Variants in CLCN6 observed in about 807,000 individuals in gnomAD.
CLCN6 encodes the protein Cl-/H+ antiporter 6, also known as H(+)/Cl(-) exchange transporter 6.
A neutral mutation model predicts 109.8 loss-of-function variants in CLCN6; 70 were observed. That is an observed-to-expected ratio of 0.64 (90% CI 0.53 to 0.78). CLCN6 has a LOEUF of 0.78. Among genes scored for constraint, CLCN6 ranks in the 30% least tolerant of loss-of-function variants. CLCN6 has a pLI of 0.00. For missense variants in CLCN6, 984 were observed against 1,142.3 expected, an observed-to-expected ratio of 0.86 and a Z score of 2.00; for synonymous variants, 444 against 447.8, an observed-to-expected ratio of 0.99 and a Z score of 0.11.
chr1:11,806,587 C>T, intron 1 of CLCN6: 1 of 461,758 alleles, frequency 2.2e-6, no homozygotes, highest in Non-Finnish European at 3.8e-6. Flanking sequence ...GTAAATCCCA[C>T]CCATGTTTCC....
At chr1:11,813,501 C>T (rs940430920) in intron 2 of CLCN6, among the ~76,000 whole-genome samples, 2 of 152,026 alleles carry the variant, frequency 1.3e-5, no homozygotes, top group Non-Finnish European at 2.9e-5. Context: ...AGCGATTCTC[C>T]TGCCTCAGCC....
At chr1:11,809,896 A>G (rs1644576159) in intron 2 of CLCN6, among the ~76,000 whole-genome samples, 1 of 152,228 alleles carries the variant, frequency 6.6e-6, no homozygotes, top group Non-Finnish European at 1.5e-5. Context: ...AAAAGTCTGG[A>G]TTTTATTTAT....
At chr1:11,822,268 T>C (rs1447496144) in intron 5 of CLCN6, among the ~76,000 whole-genome samples, 1 of 152,178 alleles carries the variant, frequency 6.6e-6, no homozygotes, top group Non-Finnish European at 1.5e-5. Flanking sequence ...AATTTTTTCT[T>C]TTTTTTAAGA....
chr1:11,815,033 A>C (rs1302308914), intron 2 of CLCN6, among the ~76,000 whole-genome samples: 6 of 11,158 alleles, frequency 5.4e-4, no homozygotes, highest in Non-Finnish European at 1.2e-3. Context: ...ACTCCGTCTC[A>C]AAAAAAAAAA....
At chr1:11,829,601 C>T (rs937640589) in intron 13 of CLCN6, among the ~76,000 whole-genome samples, 4 of 140,274 alleles carry the variant, frequency 2.9e-5, no homozygotes, top group African/African-American at 1.1e-4. Flanking sequence ...TGGGAACAAC[C>T]CTGGCGTCAC....
At chr1:11,824,606 G>C in intron 8 of CLCN6, 53 bp downstream of exon 8, 1 of 1,472,198 alleles carries the variant, frequency 6.8e-7, no homozygotes, top group Non-Finnish European at 9.4e-7. Flanking sequence ...TGGGAGGTCT[G>C]GTTACACTGG....
Position 11,826,182 on chromosome 1 carries a change from C to G in CLCN6, c.675C>G (p.Ile225Met), listed in dbSNP as rs1183737662. The G allele has an allele frequency of 3.7e-6, 6 of 1,613,866 alleles. No individual in the cohort carries two copies. In the South Asian group the frequency reaches 6.6e-5, roughly 18 times the overall value. The change falls in exon 9 of 23, where the codon ATC becomes ATG. Residue 225 changes from isoleucine to methionine, a missense_variant. Ile to Met is a conservative substitution (Grantham distance 10, BLOSUM62 1). Coordinates refer to ENST00000346436, the MANE Select transcript of CLCN6 (RefSeq NM_001286.5). ...TTCAGAGCATCTCCTTACGGAAGAT[C>G]CAGTTTAACTTCCCCTATTTCCGAA... The part of the protein sequence containing the change: ...PQFQSISLRK[I>M]QFNFPYFRSD...
At position 11,835,995 on chromosome 1, in the gene CLCN6, A is replaced by G; in HGVS notation, c.1822A>G (p.Asn608Asp). 1 of 1,613,572 alleles carries G rather than the reference A, an allele frequency of 6.2e-7. No individual in the cohort carries two copies. Among genetic ancestry groups the G allele is most frequent in the Non-Finnish European group, 8.5e-7 (1 of 1,179,906 alleles). ...KLRASDIMEP[N>D]LTYVYPHTRI... ...GAGAGCCAGCGACATCATGGAGCCC[A>G]ACCTGACCTACGTCTACCCGCACAC... The change falls in exon 18 of 23, where the codon AAC (asparagine) becomes GAC (aspartate). Residue 608 changes from asparagine (N) to aspartate (D), a missense_variant. Asn to Asp is a conservative substitution (Grantham distance 23). Transcript: ENST00000346436.
chr1:11,828,005 G>A (rs983507938), intron 10 of CLCN6, 101 bp from the exon 11 acceptor site: 6 of 832,678 alleles, frequency 7.2e-6, no homozygotes, highest in Admixed American at 2.0e-5. Context: ...TGTAGATTCC[G>A]GAGGTCTCTG....
chr1:11,827,270 C>G, intron 10 of CLCN6, 49 bp downstream of exon 10: 1 of 1,574,372 alleles, frequency 6.4e-7, no homozygotes, highest in Admixed American at 1.8e-5. Context: ...CCGAATTACA[C>G]TGGGTGTCCC....
At position 11,833,587 on chromosome 1, in the gene CLCN6, CTCT is replaced by C; in HGVS notation, c.1327_1329del (p.Phe443del). 6.2e-7 allele frequency: 1 copy of C among 1,614,058 alleles called. No homozygotes were observed. The highest frequency in any genetic ancestry group is 1.3e-5 in the African/African-American group (1 of 75,048). ...TGATACCTACAATGACATGGCCACACTCTTCTTCAACCCGCAGGAGTCTGCCAT... is the reference window on the plus strand; with the variant it reads ...TGATACCTACAATGACATGGCCACACTCTTCAACCCGCAGGAGTCTGCCAT... On this transcript the variant is annotated inframe_deletion, in exon 14 of 23. Coordinates refer to ENST00000346436, the MANE Select transcript of CLCN6 (RefSeq NM_001286.5).
At chr1:11,820,247 C>T (rs530662881) in intron 5 of CLCN6, 2 of 624,722 alleles carry the variant, frequency 3.2e-6, no homozygotes, top group East Asian at 2.8e-5. Flanking sequence ...GGCTGTAATG[C>T]ACCATGACTG....
intron 2 of CLCN6, among the ~76,000 whole-genome samples, chr1:11,810,966 C>G (rs1644591236): frequency 6.6e-6 from 1 of 152,160 alleles, no homozygotes; most frequent in African/African-American, 2.4e-5. Flanking sequence ...TACCCCCACA[C>G]TTTAGGAGGC....
chr1:11,838,792 T>G (rs198409), intron 22 of CLCN6, 132 bp downstream of exon 22: 191,357 of 1,336,294 alleles, frequency 0.14, 16,427 homozygotes, highest in African/African-American at 0.37. Flanking sequence ...CAACACTAGC[T>G]TTGAACCCTG....
In CLCN6 at chr1:11,822,739, C is replaced by T. The variant is rs909779098; in HGVS notation, c.391C>T (p.Leu131Phe). 1.9e-6 allele frequency: 3 copies of T among 1,614,126 alleles called. No individual in the cohort carries two copies. Among genetic ancestry groups the T allele is most frequent in the African/African-American group, 1.3e-5 (1 of 75,048 alleles). Residue 131 changes from leucine (L) to phenylalanine (F), a missense_variant, in exon 6 of 23, where the codon CTT (leucine) becomes TTT (phenylalanine). Coordinates refer to ENST00000346436, the MANE Select transcript of CLCN6 (RefSeq NM_001286.5). ...GAAAGGCTGCCTCGCTCTGTCTCTC[C>T]TTGAACTCCTGGGTTTTAACCTCAC... is the stretch of plus-strand genomic sequence containing the variant. ...SQKGCLALSL[L>F]ELLGFNLTFV...
Position 11,807,183 on chromosome 1 carries a change from A to T in CLCN6, c.140A>T (p.Asp47Val). The change falls in exon 2 of 23, where the codon GAC becomes GTC. Residue 47 changes from aspartate to valine, a missense_variant. Coordinates refer to ENST00000346436, the MANE Select transcript of CLCN6 (RefSeq NM_001286.5). ...GAGGATGAGATTCTTCCAAGGAAAG[A>T]CTATGAGGTGAGCTCCTTTGATACT... ...EEEDEILPRK[D>V]YESLDYDRCI... 3.1e-6 allele frequency: 5 copies of T among 1,614,126 alleles called. No homozygotes were observed. Among genetic ancestry groups the T allele is most frequent in the Non-Finnish European group, 4.2e-6 (5 of 1,179,986 alleles).
chr1:11,819,523 C>G lies in CLCN6; in HGVS notation c.315C>G (p.Phe105Leu). The change falls in exon 5 of 23, where the codon TTC becomes TTG. Residue 105 changes from phenylalanine to leucine, a missense_variant. Transcript: ENST00000346436. ...GLFVDFFVRL[F>L]TQLKFGVVQT... is the part of the protein sequence containing the mutation. ...TTGTGGACTTTTTTGTGCGACTCTT[C>G]ACCCAACTCAAGTTCGGAGTGGTAC... The G allele has an allele frequency of 1.2e-6, 2 of 1,614,172 alleles. No homozygotes were observed. Among genetic ancestry groups the G allele is most frequent in the Non-Finnish European group, 1.7e-6 (2 of 1,180,022 alleles).
chr1:11,809,913 A>C (rs1441491981), intron 2 of CLCN6, among the ~76,000 whole-genome samples: 2 of 152,240 alleles, frequency 1.3e-5, no homozygotes, highest in African/African-American at 4.8e-5. Context: ...TTATTCAATA[A>C]ATAAATCAAC....
chr1:11,831,651 G>A (rs1286853929), intron 13 of CLCN6, among the ~76,000 whole-genome samples: 2 of 152,168 alleles, frequency 1.3e-5, no homozygotes, highest in Non-Finnish European at 2.9e-5. Context: ...TACAAAAAAC[G>A]ATTCTGTGGT....
Sources: gnomAD v4.1 joint callset for allele counts (sites outside exome capture counted in the v4.1 genomes callset) on GRCh38, gnomAD v4.1.1 for gene constraint, MANE v1.5 for transcripts, NCBI Gene and HGNC (gene_info 2026-07-23, HGNC 2026-07-21) for gene names.